CSMD1: variants seen among roughly 807,000 people sequenced by gnomAD.
The protein encoded by CSMD1 is CUB and sushi domain-containing protein 1.
A neutral mutation model predicts 417.5 loss-of-function variants in CSMD1; 213 were observed. That is an observed-to-expected ratio of 0.51 (90% CI 0.46 to 0.57). The LOEUF is 0.57. CSMD1 is among the 20% of genes least tolerant of loss of function. The pLI is 0.00. For missense variants in CSMD1, 6,923 were observed against 4,529.7 expected (o/e 1.53, Z -15.17); for synonymous variants, 2,862 against 1,736.8 (o/e 1.65, Z -16.11).
At chr8:4,177,963 A>AGGATCATAT (rs1384546664) in intron 3 of CSMD1, among the ~76,000 whole-genome samples, 2 of 152,232 alleles carry the variant, frequency 1.3e-5, no homozygotes, top group Non-Finnish European at 2.9e-5. Context: ...AAAAGAGTCC[A>AGGATCATAT]GGATCATATG....
chr8:3,974,369 G>A (rs542322072), intron 5 of CSMD1, among the ~76,000 whole-genome samples: 1 of 151,806 alleles, frequency 6.6e-6, no homozygotes, highest in East Asian at 1.9e-4. Context: ...CAAATATACA[G>A]CTTTTAAAAG....
intron 2 of CSMD1, among the ~76,000 whole-genome samples, chr8:4,466,747 A>T (rs1051729126): frequency 6.6e-6 from 1 of 152,202 alleles, no homozygotes; most frequent in Non-Finnish European, 1.5e-5. Context: ...TTCCAATAAT[A>T]CTATATTTAT....
At position 3,367,141 on chromosome 8, in the gene CSMD1, C is replaced by T. The variant is rs201067702; in HGVS notation, c.3006G>A (p.Ser1002=). 3.9e-5 allele frequency: 63 copies of T among 1,613,436 alleles called. 1 individual carries two copies. The highest frequency in any genetic ancestry group is 3.7e-4 in the African/African-American group (28 of 74,874). The change falls in exon 20 of 70, where the codon TCG becomes TCA. Residue 1002 remains serine (S), a synonymous_variant. Coordinates refer to ENST00000635120, the MANE Select transcript of CSMD1 (RefSeq NM_033225.6). The part of the protein sequence containing the change: ...FSEPVARLTG[S]VLPHTIKAGL... ...CTGCCTTGATCGTATGAGGCAACAC[C>T]GACCCGGTGAGCCTGGCAACGGGCT...
At chr8:3,630,831 C>A (rs961383222) in intron 7 of CSMD1, among the ~76,000 whole-genome samples, 2 of 152,186 alleles carry the variant, frequency 1.3e-5, no homozygotes, top group African/African-American at 4.8e-5. Context: ...CATTGCTGAT[C>A]TCAGATCCCC....
At chr8:3,534,518 C>T (rs79462174) in intron 10 of CSMD1, among the ~76,000 whole-genome samples, 1 of 86,558 alleles carries the variant, frequency 1.2e-5, no homozygotes, top group East Asian at 3.6e-4. Context: ...TTCTCAATTA[C>T]AAAAAAAAAA....
chr8:3,493,864 G>A, intron 10 of CSMD1, 138 bp from the exon 11 acceptor site: 1 of 579,176 alleles, frequency 1.7e-6, no homozygotes, highest in Non-Finnish European at 3.0e-6. Context: ...GCTGCTTTAA[G>A]TAGTTACATG....
chr8:4,559,721 C>G (rs1447434817), intron 2 of CSMD1, among the ~76,000 whole-genome samples: 1 of 152,208 alleles, frequency 6.6e-6, no homozygotes, highest in Non-Finnish European at 1.5e-5. Flanking sequence ...CGTAGCAGCT[C>G]CATCAGTCTT....
intron 37 of CSMD1, among the ~76,000 whole-genome samples, chr8:3,179,058 C>T (rs1299517828): frequency 6.6e-6 from 1 of 151,624 alleles, no homozygotes; most frequent in Admixed American, 6.6e-5. Flanking sequence ...CGCCATTCTC[C>T]TGCCTCAGCC....
At chr8:3,910,110 A>T (rs889964733) in intron 5 of CSMD1, among the ~76,000 whole-genome samples, 1 of 152,198 alleles carries the variant, frequency 6.6e-6, no homozygotes, top group African/African-American at 2.4e-5. Flanking sequence ...ACGGAACATC[A>T]ACTGTGGATA....
intron 1 of CSMD1, among the ~76,000 whole-genome samples, chr8:4,913,268 C>G (rs1215331977): frequency 1.3e-5 from 2 of 152,148 alleles, no homozygotes; most frequent in African/African-American, 4.8e-5. Flanking sequence ...TTCTTTCCTG[C>G]CACAGGTTTG....
chr8:4,358,855 T>C (rs1245178675), intron 3 of CSMD1, among the ~76,000 whole-genome samples: 1 of 152,132 alleles, frequency 6.6e-6, no homozygotes, highest in Non-Finnish European at 1.5e-5. Flanking sequence ...AAATAACTTT[T>C]AAACACGGTT....
At chr8:3,981,642 A>G (rs1813879877) in intron 5 of CSMD1, among the ~76,000 whole-genome samples, 1 of 151,602 alleles carries the variant, frequency 6.6e-6, no homozygotes, top group African/African-American at 2.4e-5. Flanking sequence ...GTTGTCTTTT[A>G]ATTATGTCTC....
intron 1 of CSMD1, among the ~76,000 whole-genome samples, chr8:4,639,797 G>A (rs965074485): frequency 2.6e-5 from 4 of 152,076 alleles, no homozygotes; most frequent in African/African-American, 9.7e-5. Context: ...AATGCTTGTG[G>A]GAGTTGGCAA....
At chr8:4,903,208 T>G (rs1420228701) in intron 1 of CSMD1, among the ~76,000 whole-genome samples, 1 of 152,156 alleles carries the variant, frequency 6.6e-6, no homozygotes, top group Admixed American at 6.6e-5. Flanking sequence ...TTTAAAACAG[T>G]GCTTCTCTCT....
chr8:4,938,370 G>A (rs892602438), intron 1 of CSMD1, among the ~76,000 whole-genome samples: 1 of 152,098 alleles, frequency 6.6e-6, no homozygotes, highest in African/African-American at 2.4e-5. Flanking sequence ...TCCCAATACA[G>A]CTGTCCTATA....
chr8:3,194,547 T>G (rs1468480189), intron 33 of CSMD1, among the ~76,000 whole-genome samples: 1 of 151,728 alleles, frequency 6.6e-6, no homozygotes, highest in Non-Finnish European at 1.5e-5. Flanking sequence ...AATCTCCACG[T>G]CCCAGGTTCA....
At chr8:4,190,228 C>A (rs1176075978) in intron 3 of CSMD1, among the ~76,000 whole-genome samples, 2 of 143,048 alleles carry the variant, frequency 1.4e-5, no homozygotes, top group African/African-American at 2.6e-5. Context: ...CACTGCCCTC[C>A]AGCCTGGGCA....
At chr8:3,760,251 A>C (rs1213522442) in intron 5 of CSMD1, among the ~76,000 whole-genome samples, 2 of 152,196 alleles carry the variant, frequency 1.3e-5, no homozygotes, top group Non-Finnish European at 2.9e-5. Flanking sequence ...AGATGGCAAA[A>C]GGAACTGGTT....
chr8:4,568,660 G>A (rs1585262412), intron 2 of CSMD1, among the ~76,000 whole-genome samples: 1 of 152,078 alleles, frequency 6.6e-6, no homozygotes, highest in African/African-American at 2.4e-5. Context: ...TGGGTCAAAT[G>A]GTATTTCTGG....
Sources: allele counts gnomAD v4.1 joint callset (sites outside exome capture counted in the v4.1 genomes callset), GRCh38; gene constraint gnomAD v4.1.1; transcripts MANE v1.5; gene names NCBI Gene and HGNC (gene_info 2026-07-23, HGNC 2026-07-21).